MICU2: variants seen among roughly 807,000 people sequenced by gnomAD.
MICU2 encodes calcium uptake protein 2, mitochondrial.
In MICU2, 64 loss-of-function variants were observed where a neutral mutation model predicts 60.4. That is an observed-to-expected ratio of 1.06 (90% CI 0.87 to 1.31). The LOEUF (loss-of-function observed/expected upper bound fraction) is 1.31. MICU2 is among the 50% of genes most tolerant of loss of function. MICU2 has a pLI of 0.00. For synonymous variants in MICU2, 201 were observed against 175.0 expected, an observed-to-expected ratio of 1.15 and a Z score of -1.17; for missense variants, 569 against 531.0, an observed-to-expected ratio of 1.07 and a Z score of -0.70.
chr13:21,604,102 C>G lies in MICU2; in HGVS notation c.47G>C (p.Gly16Ala). 2 of 1,584,144 alleles carry G rather than the reference C, an allele frequency of 1.3e-6. No individual in the cohort carries two copies. Among genetic ancestry groups the G allele is most frequent in the South Asian group, 1.1e-5 (1 of 88,034 alleles). Residue 16 changes from glycine to alanine, a missense_variant, in exon 1 of 12, where the codon GGA (glycine) becomes GCA (alanine). Physicochemically the swap from Gly to Ala is moderately conservative, Grantham distance 60 (BLOSUM62 0). Transcript: ENST00000382374. ...GSCARVAAWG[G>A]KLRRGLAVSR... ...GACAGCGAGCCCCCGTCGCAGTTTT[C>G]CGCCCCAGGCCGCCACCCGCGCGCA...
Position 21,510,068 on chromosome 13 carries a change from TTG to T in MICU2, c.695_696del (p.Thr232AsnfsTer18), listed in dbSNP as rs745661215. On this transcript the variant is annotated frameshift_variant, in exon 8 of 12. Coordinates refer to ENST00000382374, the MANE Select transcript of MICU2 (RefSeq NM_152726.3). LOFTEE classifies it high-confidence loss of function. ...EAIVKEPEIN[T>X]TLQMRFFGKR... ...TTTCCAAAGAAACGCATCTGAAGAG[TTG>T]TGTTAATTTCAGGTTCTTTCACTAT... The T allele has an allele frequency of 6.6e-7, 1 of 1,521,098 alleles. No individual in the cohort carries two copies. Among genetic ancestry groups the T allele is most frequent in the East Asian group, 2.5e-5 (1 of 40,084 alleles). 94.2% of individuals were successfully genotyped at this position (1,521,098 alleles called of 1,614,324 possible). A position where few individuals can be genotyped will look rare whatever the true frequency, so the allele number is the denominator to read the frequency against.
At chr13:21,552,494 A>G (rs1360133972) in intron 2 of MICU2, among the ~76,000 whole-genome samples, 1 of 152,174 alleles carries the variant, frequency 6.6e-6, no homozygotes, top group Non-Finnish European at 1.5e-5. Context: ...TTAGACATGA[A>G]GTCCTTGCCC....
intron 8 of MICU2, among the ~76,000 whole-genome samples, 200 bp downstream of exon 8, chr13:21,509,804 G>C (rs747133451): frequency 1.4e-4 from 21 of 152,096 alleles, no homozygotes; most frequent in Non-Finnish European, 2.2e-4. Flanking sequence ...TCTATAGTAA[G>C]GTACGATATT....
At chr13:21,540,307 T>TG (rs1343595870) in intron 2 of MICU2, among the ~76,000 whole-genome samples, 1 of 152,040 alleles carries the variant, frequency 6.6e-6, no homozygotes, top group Non-Finnish European at 1.5e-5. Context: ...ATTGTTTCTT[T>TG]TTTTTAGGAC....
At chr13:21,494,931 T>C (rs1885955188) in intron 11 of MICU2, among the ~76,000 whole-genome samples, 1 of 152,178 alleles carries the variant, frequency 6.6e-6, no homozygotes, top group Non-Finnish European at 1.5e-5. Flanking sequence ...GGTGCGATCG[T>C]AGCTCACAGT....
At chr13:21,603,887 T>A in intron 1 of MICU2, 52 bp downstream of exon 1, 7 of 1,590,742 alleles carry the variant, frequency 4.4e-6, no homozygotes, top group Non-Finnish European at 6.0e-6. Flanking sequence ...CCTAAGGGCG[T>A]CAGGGGAGGG....
intron 4 of MICU2, among the ~76,000 whole-genome samples, chr13:21,525,432 C>G (rs1317249183): frequency 6.6e-6 from 1 of 151,896 alleles, no homozygotes; most frequent in South Asian, 2.1e-4. Context: ...ACCTCGTGAT[C>G]TGCCTGCCTC....
chr13:21,561,978 T>G (rs1887856678), intron 2 of MICU2, among the ~76,000 whole-genome samples: 1 of 149,630 alleles, frequency 6.7e-6, no homozygotes, highest in African/African-American at 2.5e-5. Flanking sequence ...TTTTTGTCCT[T>G]GCGATAGTTT....
chr13:21,567,921 T>TCAA (rs1393664997), intron 1 of MICU2, among the ~76,000 whole-genome samples: 1 of 152,180 alleles, frequency 6.6e-6, no homozygotes, highest in Non-Finnish European at 1.5e-5. Flanking sequence ...CTGGGCATTG[T>TCAA]GAACTAGGGA....
chr13:21,560,156 T>C (rs773763521), intron 2 of MICU2, among the ~76,000 whole-genome samples: 36 of 152,220 alleles, frequency 2.4e-4, no homozygotes, highest in Non-Finnish European at 2.8e-4. Context: ...AGGCAACTTT[T>C]GATCAATAGA....
At chr13:21,506,192 CT>C (rs1886287893) in intron 8 of MICU2, among the ~76,000 whole-genome samples, 1 of 152,174 alleles carries the variant, frequency 6.6e-6, no homozygotes, top group South Asian at 2.1e-4. Flanking sequence ...CCACCCATCT[CT>C]TTTGTAAAGA....
chr13:21,502,773 A>T, intron 9 of MICU2, 153 bp downstream of exon 9: 2 of 654,950 alleles, frequency 3.1e-6, no homozygotes, highest in Non-Finnish European at 2.5e-6. Context: ...GTTTTCCTTT[A>T]CAGGAGAAGA....
intron 2 of MICU2, among the ~76,000 whole-genome samples, chr13:21,552,623 G>A (rs1375530460): frequency 6.6e-6 from 1 of 152,140 alleles, no homozygotes; most frequent in African/African-American, 2.4e-5. Flanking sequence ...GTAAGGAAGG[G>A]ATCCAGTTTC....
intron 4 of MICU2, 147 bp downstream of exon 4, chr13:21,539,155 C>T: frequency 1.5e-6 from 1 of 651,582 alleles, no homozygotes; most frequent in East Asian, 2.8e-5. Context: ...TGTAATTGCT[C>T]AAAGACTTTG....
intron 7 of MICU2, among the ~76,000 whole-genome samples, chr13:21,511,988 A>G (rs1200055): frequency 0.53 from 80,998 of 152,016 alleles, 21,739 homozygotes; most frequent in African/African-American, 0.59. Flanking sequence ...ATGCTGCCCA[A>G]CTGAGCTGCT....
intron 4 of MICU2, chr13:21,531,188 T>C (rs1886988993): frequency 1.1e-6 from 1 of 951,312 alleles, no homozygotes; most frequent in African/African-American, 1.6e-5. Context: ...AAGACATTCT[T>C]AATAAAGCAT....
At chr13:21,531,799 A>C (rs1345421963) in intron 4 of MICU2, among the ~76,000 whole-genome samples, 5 of 152,350 alleles carry the variant, frequency 3.3e-5, no homozygotes, top group African/African-American at 1.2e-4. Context: ...TGCCAAAAAA[A>C]CGGTTTTGTA....
chr13:21,508,177 G>T, intron 8 of MICU2, among the ~76,000 whole-genome samples: 1 of 150,474 alleles, frequency 6.6e-6, no homozygotes. Context: ...CCAGGCTGGA[G>T]TGCAGTGGCA....
chr13:21,569,518 T>A (rs547460924), intron 1 of MICU2, among the ~76,000 whole-genome samples: 1 of 152,182 alleles, frequency 6.6e-6, no homozygotes, highest in Non-Finnish European at 1.5e-5. Flanking sequence ...CTCCTACTAT[T>A]AGTCTTTCTG....
Sources: allele counts gnomAD v4.1 joint callset (sites outside exome capture counted in the v4.1 genomes callset), GRCh38; gene constraint gnomAD v4.1.1; transcripts MANE v1.5; gene names NCBI Gene and HGNC (gene_info 2026-07-23, HGNC 2026-07-21).